The following TCF20 variants were observed in gnomAD, a reference collection of about 807,000 sequenced individuals.
TCF20 encodes transcription factor 20.
Under a neutral mutation model 148.6 loss-of-function variants are expected in TCF20, and 3 were observed. The observed-to-expected ratio is 0.02, with a 90% CI of 0.01 to 0.05. The LOEUF is 0.05. Ranked by LOEUF, TCF20 falls within the 10% of genes least tolerant of loss-of-function variation. The probability of loss-of-function intolerance (pLI) is 1.00; values close to 1 mark genes in which losing one functional copy is unlikely to be tolerated. For missense variants in TCF20, 2,350 were observed against 2,429.3 expected (o/e 0.97, Z 0.69); for synonymous variants, 1,049 against 909.5 (o/e 1.15, Z -2.76).
intron 1 of TCF20, among the ~76,000 whole-genome samples, chr22:42,324,187 G>A (rs1473801694): frequency 6.7e-6 from 1 of 148,506 alleles, no homozygotes; most frequent in Non-Finnish European, 1.5e-5. Flanking sequence ...GGAGGTTATG[G>A]TGGTGGTGGT....
At chr22:42,209,025 T>G (rs560841666) in intron 2 of TCF20, among the ~76,000 whole-genome samples, 2 of 152,334 alleles carry the variant, frequency 1.3e-5, no homozygotes, top group East Asian at 3.9e-4. Context: ...TCTTCTCAAC[T>G]GCAGCACTGG....
intron 5 of TCF20, among the ~76,000 whole-genome samples, chr22:42,167,062 C>T (rs1377576329): frequency 2.6e-5 from 4 of 152,320 alleles, no homozygotes; most frequent in South Asian, 4.1e-4. Context: ...AGCAGCCACT[C>T]GCTGATGGTG....
At chr22:42,178,643 T>C (rs981476375) in intron 3 of TCF20, among the ~76,000 whole-genome samples, 5 of 136,084 alleles carry the variant, frequency 3.7e-5, no homozygotes, top group African/African-American at 1.1e-4. Flanking sequence ...CAGGCTGGAG[T>C]GCAGTGGCGT....
At chr22:42,255,047 T>C (rs945129330) in intron 1 of TCF20, among the ~76,000 whole-genome samples, 3 of 150,796 alleles carry the variant, frequency 2.0e-5, no homozygotes, top group African/African-American at 7.3e-5. Flanking sequence ...TGCTACTTAA[T>C]AGTTGGGTGA....
intron 2 of TCF20, among the ~76,000 whole-genome samples, chr22:42,196,936 T>A (rs1023011033): frequency 6.6e-6 from 1 of 152,220 alleles, no homozygotes; most frequent in Non-Finnish European, 1.5e-5. Context: ...GTTCTTCAAT[T>A]CTATTTTCAT....
chr22:42,214,133 C>A lies in TCF20; in HGVS notation c.1173G>T (p.Gln391His), dbSNP rs746200891. The change falls in exon 2 of 6, where the codon CAG becomes CAT. Residue 391 changes from glutamine (Q) to histidine (H), a missense_variant. Physicochemically the swap from Gln to His is conservative, Grantham distance 24. This residue lies in a region of TCF20 where 1,641 missense variants were observed against 1,662.6 expected (regional missense o/e 0.99). Transcript: ENST00000677622. ...SCSSTPSPLM[Q>H]TGENLQCGQG... ...GCCCACACTGGAGATTCTCCCCAGT[C>A]TGCATGAGAGGAGATGGGGTAGAAC... The A allele has an allele frequency of 4.3e-6, 7 of 1,614,094 alleles. No individual in the cohort carries two copies. The Admixed American group carries it at 6.7e-5, about 15-fold the overall frequency.
chr22:42,175,444 G>A (rs376170420), intron 3 of TCF20, among the ~76,000 whole-genome samples: 10 of 151,962 alleles, frequency 6.6e-5, no homozygotes, highest in Admixed American at 2.6e-4. Flanking sequence ...GGGTTCAAGC[G>A]ATTCCCCTAC....
Position 42,317,043 on chromosome 22 carries a change from C to T in TCF20, c.-37+26436G>A, listed in dbSNP as rs1199889106. On this transcript the variant is annotated intron_variant, in intron 1 of 1. Coordinates refer to the TCF20 transcript ENST00000515426. The surrounding 1 kb of genome is among the most constrained non-coding windows in gnomAD (Gnocchi z 4.2). ...TGGCCGTAAGGCATCTTCAATGGTCCCATGTCCTCAACACTCTTCCCAGAC... is the reference window on the plus strand; with the variant it reads ...TGGCCGTAAGGCATCTTCAATGGTCTCATGTCCTCAACACTCTTCCCAGAC... Among the ~76,000 whole-genome samples the T allele has an allele frequency of 6.6e-6, 1 of 152,106 alleles. No individual in the cohort carries two copies. Among genetic ancestry groups the T allele is most frequent in the African/African-American group, 2.4e-5 (1 of 41,394 alleles).
At position 42,317,878 on chromosome 22, in the gene TCF20, G is replaced by A. The variant is rs927374075; in HGVS notation, c.-37+25601C>T. ...AGCCAGTAAGAGCCAGATCCCACTC[G>A]AGCCCAGGCGGGGCACCCTCCTGGC... On this transcript the variant is annotated intron_variant, in intron 1 of 1. Coordinates refer to the TCF20 transcript ENST00000515426. This position sits in a 1 kb window ranked among gnomAD's most constrained non-coding sequence, Gnocchi z 4.2. Among the ~76,000 whole-genome samples the A allele has an allele frequency of 7.9e-5, 12 of 152,174 alleles. No homozygotes were observed. Among genetic ancestry groups the A allele is most frequent in the Non-Finnish European group, 1.5e-4 (10 of 68,018 alleles).
chr22:42,263,892 C>T (rs567438827), intron 1 of TCF20, among the ~76,000 whole-genome samples: 5 of 152,258 alleles, frequency 3.3e-5, no homozygotes, highest in African/African-American at 1.2e-4. Context: ...AGGTCCTACC[C>T]TTGATTCTGT....
chr22:42,283,399 G>A (rs1926953111), intron 1 of TCF20, among the ~76,000 whole-genome samples: 3 of 151,842 alleles, frequency 2.0e-5, no homozygotes, highest in South Asian at 2.1e-4. Context: ...GGACGGGGGC[G>A]CGGCTGGATC....
chr22:42,239,429 T>C (rs569590462), intron 1 of TCF20, among the ~76,000 whole-genome samples: 1 of 147,916 alleles, frequency 6.8e-6, no homozygotes, highest in South Asian at 2.1e-4. Flanking sequence ...TGAGCCAAAA[T>C]CACGCCATTG....
chr22:42,260,140 T>C (rs2038674807), intron 1 of TCF20, among the ~76,000 whole-genome samples: 1 of 151,946 alleles, frequency 6.6e-6, no homozygotes, highest in Admixed American at 6.6e-5. Context: ...AACTCAAAGA[T>C]TTGAGAAGCA....
At chr22:42,209,259 AG>A (rs1920922670) in intron 2 of TCF20, among the ~76,000 whole-genome samples, 2 of 152,220 alleles carry the variant, frequency 1.3e-5, no homozygotes, top group Non-Finnish European at 2.9e-5. Context: ...TTTAAGAATG[AG>A]GAAGAAATGG....
rs1920928065 is a variant in TCF20 at position 42,209,946 on chromosome 22, T to C, written c.5360A>G (p.Lys1787Arg). 1.4e-5 allele frequency: 23 copies of C among 1,613,954 alleles called. No homozygotes were observed. Among genetic ancestry groups the C allele is most frequent in the Non-Finnish European group, 1.9e-5 (23 of 1,180,026 alleles). ...QRSLAAHPRFKRRHRSEDCGG... is the reference protein window; with the variant it reads ...QRSLAAHPRFRRRHRSEDCGG... ...ACAGTCTTCCGAGCGGTGGCGCCGC[T>C]TAAACCTGGGGTGTGCGGCCAGGCT... Residue 1787 changes from lysine to arginine, a missense_variant, in exon 2 of 6, where the codon AAG becomes AGG. Lys to Arg is a conservative substitution (Grantham distance 26). Around this residue, in one of 7 missense-constraint regions of TCF20, gnomAD observed 374 missense variants for 398.3 expected, o/e 0.94. Coordinates refer to ENST00000677622, the MANE Select transcript of TCF20 (RefSeq NM_001378418.1).
chr22:42,322,718 GTGTC>G (rs1371420311), intron 1 of TCF20, among the ~76,000 whole-genome samples: 1 of 151,662 alleles, frequency 6.6e-6, no homozygotes, highest in Admixed American at 6.6e-5. Context: ...GAATGAATAA[GTGTC>G]TGAGTGAATG....
In TCF20 at chr22:42,316,727, C is replaced by T. The variant is rs5751261; in HGVS notation, c.-37+26752G>A. Among the ~76,000 whole-genome samples the T allele has an allele frequency of 0.017, 2,641 of 152,324 alleles. 259 individuals are homozygous for T. In the East Asian group the frequency reaches 0.3, roughly 17 times the overall value. On this transcript the variant is annotated intron_variant, in intron 1 of 1. Transcript: ENST00000515426. ...CTAGGATTACACGCGTGAGCCACTG[C>T]GCCCTGCTGGCCCACCTTTTCTTGC...
chr22:42,241,979 G>C (rs928967446), intron 1 of TCF20, among the ~76,000 whole-genome samples: 1 of 152,068 alleles, frequency 6.6e-6, no homozygotes, highest in Admixed American at 6.6e-5. Flanking sequence ...TAGGCGGGCA[G>C]ATCAGGAAGT....
chr22:42,287,244 A>C (rs1481117930), upstream of TCF20, among the ~76,000 whole-genome samples: 1 of 152,190 alleles, frequency 6.6e-6, no homozygotes, highest in African/African-American at 2.4e-5. Flanking sequence ...CTCAGGGAGC[A>C]CCACGCCTTT....
Sources: allele counts gnomAD v4.1 joint callset (sites outside exome capture counted in the v4.1 genomes callset), GRCh38; gene constraint gnomAD v4.1.1; regional missense constraint gnomAD v4.1.1; non-coding constraint Gnocchi (gnomAD v3.1); transcripts MANE v1.5; gene names NCBI Gene and HGNC (gene_info 2026-07-23, HGNC 2026-07-21).